The following PCDHA4 variants were observed in gnomAD, a reference collection of about 807,000 sequenced individuals.
PCDHA4 encodes protocadherin alpha 4, also known as protocadherin alpha-4.
PCDHA4 carries 49 observed loss-of-function variants against 61.4 expected under a neutral mutation model. The observed-to-expected ratio is 0.80, with a 90% confidence interval of 0.63 to 1.01. The LOEUF is 1.01. Among genes scored for constraint, PCDHA4 ranks in the 50% least tolerant of loss-of-function variants. The pLI, the probability that PCDHA4 is intolerant of heterozygous loss-of-function variation, is 0.00. For synonymous variants in PCDHA4, 590 were observed against 550.3 expected (o/e 1.07, Z -1.01); for missense variants, 1,254 against 1,235.8 (o/e 1.01, Z -0.22).
At chr5:140,869,980 A>G (rs782258774) in intron 1 of PCDHA4, 91 of 1,613,262 alleles carry the variant, frequency 5.6e-5, no homozygotes, top group Non-Finnish European at 7.5e-5. Context: ...ACACTTATTT[A>G]CACTAGATCA....
chr5:140,905,162 G>A (rs2071641359), intron 1 of PCDHA4, among the ~76,000 whole-genome samples: 1 of 152,118 alleles, frequency 6.6e-6, no homozygotes, highest in African/African-American at 2.4e-5. Flanking sequence ...GAATTTTCAT[G>A]GTTTCAGGTT....
chr5:140,827,945 A>C, intron 1 of PCDHA4: 1 of 1,217,964 alleles, frequency 8.2e-7, no homozygotes, highest in African/African-American at 1.5e-5. Flanking sequence ...GCTAGCCAAC[A>C]TTCAAATTTC....
At chr5:140,844,093 C>A (rs2150368688) in intron 1 of PCDHA4, among the ~76,000 whole-genome samples, 1 of 149,604 alleles carries the variant, frequency 6.7e-6, no homozygotes, top group African/African-American at 2.4e-5. Context: ...AACTCTTAAT[C>A]TTACTCCATA....
At chr5:140,882,188 A>G (rs1446435577) in intron 1 of PCDHA4, 6 of 1,519,650 alleles carry the variant, frequency 3.9e-6, no homozygotes, top group African/African-American at 1.4e-5. Context: ...CTAGGAAGCC[A>G]TAAAAATTGG....
chr5:140,835,199 C>T lies in PCDHA4; in HGVS notation c.2385+25627C>T, dbSNP rs2150231734. The T allele has an allele frequency of 7.8e-3, 12,048 of 1,553,200 alleles. 392 individuals are homozygous for T. The African/African-American group carries it at 0.15, about 20-fold the overall frequency. ...CCAATGCCTCAGATTTAGACGAAGGCTTGAATGGGGATATTATTTACTCCT... is the reference window on the plus strand; with the variant it reads ...CCAATGCCTCAGATTTAGACGAAGGTTTGAATGGGGATATTATTTACTCCT... On this transcript the variant is annotated intron_variant, in intron 1 of 3. Coordinates refer to ENST00000530339, the MANE Select transcript of PCDHA4 (RefSeq NM_018907.4).
intron 1 of PCDHA4, among the ~76,000 whole-genome samples, chr5:140,957,462 T>C (rs574379806): frequency 8.3e-4 from 126 of 152,308 alleles, no homozygotes; most frequent in African/African-American, 2.9e-3. Context: ...ATCATAGGTA[T>C]GTATGTATAG....
At chr5:140,819,691 G>A (rs1766600381) in intron 1 of PCDHA4, among the ~76,000 whole-genome samples, 1 of 152,062 alleles carries the variant, frequency 6.6e-6, no homozygotes, top group Admixed American at 6.5e-5. Flanking sequence ...ACAAATGCAA[G>A]TGATAATTTA....
At chr5:140,982,207 C>T (rs868956427) in intron 2 of PCDHA4, 8 of 429,564 alleles carry the variant, frequency 1.9e-5, no homozygotes, top group East Asian at 1.5e-4. Flanking sequence ...ATTTAGTGAG[C>T]GCCACATGGC....
rs2150395747 is a variant in PCDHA4, at chr5:140,846,917, A to G, written c.2385+37345A>G. 4.9e-4 allele frequency among the ~76,000 whole-genome samples: 73 copies of G among 149,736 alleles called. 3 individuals are homozygous for G. The highest frequency in any genetic ancestry group is 1.6e-3 in the African/African-American group (65 of 40,960). ...TGAAGTTGAAAGACAATCATTTCCT[A>G]TTTGAATTTTTGAAGAAATACTTGA... On this transcript the variant is annotated intron_variant, in intron 1 of 3. Coordinates refer to ENST00000530339, the MANE Select transcript of PCDHA4 (RefSeq NM_018907.4).
intron 1 of PCDHA4, chr5:140,882,709 T>G (rs782343997): frequency 6.2e-7 from 1 of 1,614,022 alleles, no homozygotes; most frequent in Non-Finnish European, 8.5e-7. Flanking sequence ...AATCTAGACC[T>G]CCGGAAACTC....
Position 140,849,757 on chromosome 5 carries a change from A to G in PCDHA4, c.2385+40185A>G, listed in dbSNP as rs2041104980. ...CTGGACCGCGAGAGTGTGTCCGCCT[A>G]CGAGCTGGTGGTTACCGCGCGGGAC... On this transcript the variant is annotated intron_variant, in intron 1 of 3. Transcript: ENST00000530339. 3.1e-6 allele frequency: 5 copies of G among 1,598,418 alleles called. No homozygotes were observed. The African/African-American group carries it at 6.7e-5, about 21-fold the overall frequency.
At chr5:140,901,667 A>G (rs1319008143) in intron 1 of PCDHA4, among the ~76,000 whole-genome samples, 1 of 151,994 alleles carries the variant, frequency 6.6e-6, no homozygotes, top group Non-Finnish European at 1.5e-5. Context: ...TGCTCAAGAT[A>G]CCTTTAGGTA....
chr5:140,956,585 T>G (rs1004549488), intron 1 of PCDHA4, among the ~76,000 whole-genome samples: 4 of 152,198 alleles, frequency 2.6e-5, no homozygotes, highest in Non-Finnish European at 5.9e-5. Flanking sequence ...CATTGATGCT[T>G]ATCAGGGATA....
chr5:140,846,369 C>CTTTTTTTTTTTTTTT (rs797033964), intron 1 of PCDHA4, among the ~76,000 whole-genome samples: 7 of 102,190 alleles, frequency 6.8e-5, no homozygotes, highest in Non-Finnish European at 1.2e-4. Context: ...TCTTTTCTTT[C>CTTTTTTTTTTTTTTT]TTTCTTTTTT....
At chr5:140,869,179 G>A (rs782530772) in intron 1 of PCDHA4, 12 of 1,613,988 alleles carry the variant, frequency 7.4e-6, no homozygotes, top group Middle Eastern at 1.7e-4. Context: ...ATTCTGGGAG[G>A]TGGGGAGCGG....
chr5:140,966,968 G>C, intron 1 of PCDHA4: 2 of 1,602,616 alleles, frequency 1.2e-6, no homozygotes, highest in Non-Finnish European at 1.7e-6. Context: ...GCTGGGGCTT[G>C]AGCTGCGGCG....
At chr5:140,828,347 G>A (rs2150154250) in intron 1 of PCDHA4, 1 of 1,614,256 alleles carries the variant, frequency 6.2e-7, no homozygotes, top group South Asian at 1.1e-5. Flanking sequence ...CATTTTGTTT[G>A]TGAATTCTCG....
chr5:140,857,662 T>A (rs782577621), intron 1 of PCDHA4: 2 of 1,596,528 alleles, frequency 1.3e-6, no homozygotes, highest in Non-Finnish European at 1.7e-6. Flanking sequence ...GCGCGCGCGA[T>A]GGGGGCGTGC....
chr5:140,878,556 A>C (rs959852623), intron 1 of PCDHA4, among the ~76,000 whole-genome samples: 1 of 152,156 alleles, frequency 6.6e-6, no homozygotes. Context: ...GATGATCCCA[A>C]ACTTATCATA....
Sources: gnomAD v4.1 joint callset for allele counts (sites outside exome capture counted in the v4.1 genomes callset) on GRCh38, gnomAD v4.1.1 for gene constraint, MANE v1.5 for transcripts, NCBI Gene and HGNC (gene_info 2026-07-23, HGNC 2026-07-21) for gene names.